Variants in STRN observed in about 807,000 individuals in gnomAD.
The protein encoded by STRN is striatin.
A neutral mutation model predicts 96.3 loss-of-function variants in STRN; 53 were observed. The observed-to-expected ratio is 0.55, with a 90% confidence interval of 0.44 to 0.69. The LOEUF is 0.69. STRN is among the 30% of genes least tolerant of loss of function. The pLI, the probability that STRN is intolerant of heterozygous loss-of-function variation, is 0.00. For missense variants in STRN, 987 were observed against 963.9 expected (o/e 1.02, Z -0.32); for synonymous variants, 428 against 355.9 (o/e 1.20, Z -2.28).
At chr2:36,917,056 A>AT (rs1558651997) in intron 2 of STRN, among the ~76,000 whole-genome samples, 1 of 149,646 alleles carries the variant, frequency 6.7e-6, no homozygotes, top group African/African-American at 2.5e-5. Context: ...AAAAAATAAA[A>AT]AATAAAAATA....
chr2:36,955,920 C>T (rs928910892), intron 1 of STRN, among the ~76,000 whole-genome samples: 3 of 152,142 alleles, frequency 2.0e-5, no homozygotes, highest in Non-Finnish European at 2.9e-5. Context: ...ACAGTTTAAA[C>T]GTAATTTTAC....
chr2:36,941,577 C>T (rs1299010595), intron 1 of STRN, among the ~76,000 whole-genome samples: 1 of 150,286 alleles, frequency 6.7e-6, no homozygotes, highest in Admixed American at 6.6e-5. Flanking sequence ...GAGATGGAGT[C>T]TAATTCTTGT....
chr2:36,933,667 C>T (rs1670629937), intron 1 of STRN, among the ~76,000 whole-genome samples: 1 of 152,126 alleles, frequency 6.6e-6, no homozygotes, highest in African/African-American at 2.4e-5. Flanking sequence ...TGCAATGGCA[C>T]GATCACAGCT....
intron 1 of STRN, among the ~76,000 whole-genome samples, chr2:36,932,519 C>T (rs1307909385): frequency 6.6e-6 from 1 of 151,964 alleles, no homozygotes; most frequent in Non-Finnish European, 1.5e-5. Context: ...AATTACTGTA[C>T]CATTTTATTT....
Position 36,924,050 on chromosome 2 carries a change from C to G in STRN, c.338+1055G>C, listed in dbSNP as rs1572678159. Reference sequence around the variant, plus strand: ...ATTGTAACGGCAGACAGCAGAGGAACAAAATACACAAAAAAAAGTCTATAG... The same window carrying G: ...ATTGTAACGGCAGACAGCAGAGGAAGAAAATACACAAAAAAAAGTCTATAG... On this transcript the variant is annotated intron_variant, in intron 2 of 17. Coordinates refer to ENST00000263918, the MANE Select transcript of STRN (RefSeq NM_003162.4). Among the ~76,000 whole-genome samples the G allele has an allele frequency of 2.6e-5, 4 of 151,924 alleles. 1 individual carries two copies. Among genetic ancestry groups the G allele is most frequent in the Admixed American group, 2.6e-4 (4 of 15,230 alleles).
rs1669237335 is a variant in STRN at position 36,886,665 on chromosome 2, G to C, written c.1042+51C>G. On this transcript the variant is annotated intron_variant, in intron 8 of 17. Transcript: ENST00000263918. ...AAAACATTGAAAAAAAAAACTGGGGGATGTAAAGAGGCAAGATTTATGATT... is the reference window on the plus strand; with the variant it reads ...AAAACATTGAAAAAAAAAACTGGGGCATGTAAAGAGGCAAGATTTATGATT... The C allele has an allele frequency of 5.7e-6, 8 of 1,401,130 alleles. No individual in the cohort carries two copies. In the East Asian group the frequency reaches 2.0e-4, roughly 35 times the overall value. 86.8% of individuals were successfully genotyped at this position (1,401,130 alleles called of 1,614,324 possible).
At chr2:36,925,404 G>T (rs1425631376) in intron 1 of STRN, among the ~76,000 whole-genome samples, 196 bp from the exon 2 acceptor site, 1 of 152,024 alleles carries the variant, frequency 6.6e-6, no homozygotes, top group Admixed American at 6.6e-5. Flanking sequence ...AAGGGCTGGG[G>T]GGACATCTAA....
At chr2:36,941,781 G>C (rs1412581853) in intron 1 of STRN, among the ~76,000 whole-genome samples, 4 of 150,320 alleles carry the variant, frequency 2.7e-5, no homozygotes, top group Admixed American at 2.7e-4. Flanking sequence ...TCGAACTCCT[G>C]ACCTTGGGTG....
chr2:36,948,726 T>C (rs1664677793), intron 1 of STRN, among the ~76,000 whole-genome samples: 1 of 152,154 alleles, frequency 6.6e-6, no homozygotes. Context: ...TAAAAAACAG[T>C]ACAAGGTAGC....
At chr2:36,941,773 G>C (rs1349370640) in intron 1 of STRN, among the ~76,000 whole-genome samples, 1 of 149,372 alleles carries the variant, frequency 6.7e-6, no homozygotes, top group African/African-American at 2.5e-5. Context: ...GGCTGGTCTC[G>C]AACTCCTGAC....
chr2:36,957,055 T>G (rs1664905764), intron 1 of STRN, among the ~76,000 whole-genome samples: 1 of 152,186 alleles, frequency 6.6e-6, no homozygotes, highest in South Asian at 2.1e-4. Flanking sequence ...ATTTTTGCCC[T>G]TAGGATATTG....
At chr2:36,931,192 C>T (rs998921633) in intron 1 of STRN, among the ~76,000 whole-genome samples, 3 of 152,110 alleles carry the variant, frequency 2.0e-5, no homozygotes, top group East Asian at 3.9e-4. Flanking sequence ...GGCCTTCAAG[C>T]TGACAGACGA....
At chr2:36,952,534 T>C (rs62135862) in intron 1 of STRN, among the ~76,000 whole-genome samples, 269 of 152,208 alleles carry the variant, frequency 1.8e-3, no homozygotes, top group Non-Finnish European at 3.3e-3. Flanking sequence ...CAGCAAATTA[T>C]TTAACCTTTC....
chr2:36,958,687 T>C (rs1459262933), intron 1 of STRN, among the ~76,000 whole-genome samples: 4 of 152,094 alleles, frequency 2.6e-5, no homozygotes, highest in Admixed American at 2.0e-4. Flanking sequence ...CCTAAGATCA[T>C]GTAATCAAAA....
chr2:36,852,658 T>C (rs1558621386), intron 15 of STRN, among the ~76,000 whole-genome samples: 1 of 152,234 alleles, frequency 6.6e-6, no homozygotes, highest in Non-Finnish European at 1.5e-5. Context: ...TCTGCAAGTT[T>C]AAAATTATTT....
intron 1 of STRN, among the ~76,000 whole-genome samples, chr2:36,945,481 C>T (rs1432742975): frequency 5.3e-5 from 8 of 152,110 alleles, no homozygotes; most frequent in South Asian, 2.1e-4. Context: ...GCCTGGCTAA[C>T]GTAGTGAAAC....
At chr2:36,888,637 A>ATGTGTGTGTG (rs747639409) in intron 7 of STRN, among the ~76,000 whole-genome samples, 23 of 70,240 alleles carry the variant, frequency 3.3e-4, no homozygotes, top group South Asian at 6.8e-4. Flanking sequence ...TTTTTAATTT[A>ATGTGTGTGTG]TATGTGTGTG....
chr2:36,959,544 G>A (rs1420862895), intron 1 of STRN, among the ~76,000 whole-genome samples: 2 of 152,116 alleles, frequency 1.3e-5, no homozygotes, highest in Non-Finnish European at 2.9e-5. Flanking sequence ...TTACCTAACT[G>A]AGCTGATTAT....
chr2:36,908,163 A>C (rs923429346), intron 3 of STRN, among the ~76,000 whole-genome samples: 7 of 152,152 alleles, frequency 4.6e-5, no homozygotes, highest in Non-Finnish European at 8.8e-5. Context: ...GCCAAGTAAA[A>C]ACATTTACAT....
Sources: allele counts gnomAD v4.1 joint callset (sites outside exome capture counted in the v4.1 genomes callset), GRCh38; gene constraint gnomAD v4.1.1; transcripts MANE v1.5; gene names NCBI Gene and HGNC (gene_info 2026-07-23, HGNC 2026-07-21).